The following MYO3A variants were observed in gnomAD, a reference collection of about 807,000 sequenced individuals.
MYO3A encodes myosin-IIIa.
Under a neutral mutation model 192.7 loss-of-function variants are expected in MYO3A, and 180 were observed. That is an observed-to-expected ratio of 0.93 (90% CI 0.83 to 1.06). The LOEUF is 1.06. Among genes scored for constraint, MYO3A ranks in the 50% least tolerant of loss-of-function variants. The pLI is 0.00. For synonymous variants in MYO3A, 628 were observed against 645.3 expected (o/e 0.97, Z 0.41); for missense variants, 1,896 against 1,905.0 (o/e 1.00, Z 0.09).
Position 26,024,036 on chromosome 10 carries a change from A to C in MYO3A, c.746A>C (p.Lys249Thr). ...LFKIPRNPPP[K>T]LRQPELWSAE... ...TATTTTTCTAGGAATCCACCCCCAA[A>C]ACTAAGGCAGCCTGAGCTATGGTCA... The change falls in exon 9 of 35, where the codon AAA becomes ACA. Residue 249 changes from lysine (K) to threonine (T), a missense_variant. Transcript: ENST00000642920. 1 of 1,613,004 alleles carries C rather than the reference A, an allele frequency of 6.2e-7. No individual in the cohort carries two copies. Among genetic ancestry groups the C allele is most frequent in the Non-Finnish European group, 8.5e-7 (1 of 1,179,110 alleles).
intron 31 of MYO3A, among the ~76,000 whole-genome samples, chr10:26,178,310 A>T (rs539343730): frequency 6.6e-6 from 1 of 152,312 alleles, no homozygotes; most frequent in African/African-American, 2.4e-5. Context: ...AGAGGTCGCC[A>T]CCAAGATTTT....
At position 26,206,558 on chromosome 10, in the gene MYO3A, C is replaced by T. The variant is rs186330393; in HGVS notation, c.4730+3451C>T. On this transcript the variant is annotated intron_variant, in intron 34 of 34. Coordinates refer to ENST00000642920, the MANE Select transcript of MYO3A (RefSeq NM_017433.5). Reference sequence around the variant, plus strand: ...CCACCTCCCAGGTTCAAGTGATTCTCCTGCCTCAGCCTCCCAAATACCTGG... The same window carrying T: ...CCACCTCCCAGGTTCAAGTGATTCTTCTGCCTCAGCCTCCCAAATACCTGG... 5.1e-3 allele frequency among the ~76,000 whole-genome samples: 780 copies of T among 152,174 alleles called. 5 individuals carry two copies. The highest frequency in any genetic ancestry group is 8.0e-3 in the Non-Finnish European group (543 of 68,024).
intron 4 of MYO3A, among the ~76,000 whole-genome samples, chr10:25,975,981 C>T (rs1353352195): frequency 6.6e-6 from 1 of 152,108 alleles, no homozygotes; most frequent in Non-Finnish European, 1.5e-5. Context: ...TTGTACAAAA[C>T]CATATAAATG....
intron 26 of MYO3A, among the ~76,000 whole-genome samples, chr10:26,158,348 G>T (rs1181917322): frequency 2.6e-5 from 4 of 151,776 alleles, no homozygotes; most frequent in African/African-American, 9.7e-5. Flanking sequence ...TGCTTCCCAG[G>T]CTCATGCCAT....
intron 8 of MYO3A, 104 bp from the exon 9 acceptor site, chr10:26,023,918 A>G (rs1842427502): frequency 1.0e-6 from 1 of 990,888 alleles, no homozygotes; most frequent in Admixed American, 1.7e-5. Context: ...ATCCTTGATT[A>G]CAACTGGCAG....
Position 26,050,600 on chromosome 10 carries a change from G to C in MYO3A, c.954-16375G>C, listed in dbSNP as rs142700680. On this transcript the variant is annotated intron_variant, in intron 10 of 34. Transcript: ENST00000642920. ...AGTGAAGAAAGATGTCAGGAATTCT[G>C]CAGATGGAGAATAACCATCAAATAG... Among the ~76,000 whole-genome samples, 793 of 152,294 alleles carry C rather than the reference G, an allele frequency of 5.2e-3. 7 individuals carry two copies. Among genetic ancestry groups the C allele is most frequent in the African/African-American group, 0.018 (752 of 41,554 alleles).
chr10:26,183,137 AC>A (rs895256226), intron 31 of MYO3A, among the ~76,000 whole-genome samples: 6 of 152,154 alleles, frequency 3.9e-5, no homozygotes, highest in African/African-American at 1.4e-4. Flanking sequence ...CTCACCCCCC[AC>A]ACAGGCTGCT....
In MYO3A at chr10:26,174,210, A is replaced by C; in HGVS notation, c.3946A>C (p.Ile1316Leu). 6.2e-7 allele frequency: 1 copy of C among 1,614,234 alleles called. No individual in the cohort carries two copies. The highest frequency in any genetic ancestry group is 8.5e-7 in the Non-Finnish European group (1 of 1,180,036). The part of the protein sequence containing the change: ...KTSVVTQRAP[I>L]CSQEEGRGRL... ...ATCTGTAGTTACCCAGCGTGCACCGATATGCAGCCAGGAGGAAGGCAGAGG... is the reference window on the plus strand; with the variant it reads ...ATCTGTAGTTACCCAGCGTGCACCGCTATGCAGCCAGGAGGAAGGCAGAGG... The change falls in exon 30 of 35, where the codon ATA (isoleucine) becomes CTA (leucine). Residue 1316 changes from isoleucine (I) to leucine (L), a missense_variant. Transcript: ENST00000642920.
chr10:26,012,155 G>A (rs893503270), intron 6 of MYO3A, among the ~76,000 whole-genome samples: 2 of 152,086 alleles, frequency 1.3e-5, no homozygotes, highest in African/African-American at 4.8e-5. Flanking sequence ...ACTGAATGGG[G>A]AAAAGTTGAA....
At position 26,036,818 on chromosome 10, in the gene MYO3A, T is replaced by A. The variant is rs928057481; in HGVS notation, c.953+10286T>A. 5.3e-5 allele frequency among the ~76,000 whole-genome samples: 8 copies of A among 152,236 alleles called. No homozygotes were observed. The South Asian group carries it at 8.3e-4, about 16-fold the overall frequency. On this transcript the variant is annotated intron_variant, in intron 10 of 34. Coordinates refer to ENST00000642920, the MANE Select transcript of MYO3A (RefSeq NM_017433.5). ...TTCCTCTCCATTTTGGCTCAGGGAG[T>A]GTTCTCTCCTTGAAATCTCACCCAC...
intron 4 of MYO3A, among the ~76,000 whole-genome samples, chr10:25,973,332 G>A (rs1838773472): frequency 6.6e-6 from 1 of 152,080 alleles, no homozygotes; most frequent in African/African-American, 2.4e-5. Context: ...CATTGATTTT[G>A]TATCCTAAAA....
chr10:26,013,929 A>G (rs10828935), intron 6 of MYO3A, among the ~76,000 whole-genome samples: 14,362 of 152,200 alleles, frequency 0.094, 1,195 homozygotes, highest in African/African-American at 0.21. Context: ...ACACCATGGA[A>G]TACTACTCAG....
At chr10:26,159,665 C>T (rs944281269) in intron 26 of MYO3A, among the ~76,000 whole-genome samples, 68 of 152,320 alleles carry the variant, frequency 4.5e-4, no homozygotes, top group Admixed American at 4.2e-3. Context: ...AGGCGTGAGC[C>T]ACTGCACCCA....
At chr10:26,160,119 T>C (rs937417659) in intron 26 of MYO3A, among the ~76,000 whole-genome samples, 2 of 152,152 alleles carry the variant, frequency 1.3e-5, no homozygotes, top group South Asian at 4.2e-4. Flanking sequence ...AATATAGATA[T>C]TATGAGTGTA....
Position 26,147,552 on chromosome 10 carries a change from C to T in MYO3A, c.2628C>T (p.Thr876=), listed in dbSNP as rs1564596224. ...VIRQLVNHPL[T]KTGNLPHSKT... ...GGCAACTAGTCAACCACCCTCTGAC[C>T]AAAACAGGTAAGACAATTTTCCTTA... The change falls in exon 23 of 35, where the codon ACC becomes ACT. Residue 876 remains threonine (T), a synonymous_variant. Transcript: ENST00000642920. 6.2e-7 allele frequency: 1 copy of T among 1,613,924 alleles called. No homozygotes were observed. The highest frequency in any genetic ancestry group is 1.7e-5 in the Admixed American group (1 of 60,006).
chr10:26,039,394 G>A (rs1336013219), intron 10 of MYO3A, among the ~76,000 whole-genome samples: 1 of 151,856 alleles, frequency 6.6e-6, no homozygotes, highest in Non-Finnish European at 1.5e-5. Flanking sequence ...GCGTCAAGAT[G>A]CATTTGTGAT....
At chr10:26,198,548 G>A (rs770759796) in intron 32 of MYO3A, among the ~76,000 whole-genome samples, 59 of 152,134 alleles carry the variant, frequency 3.9e-4, no homozygotes, top group Admixed American at 1.3e-4. Flanking sequence ...TAACTTCAAC[G>A]TTTAGCTCCT....
intron 32 of MYO3A, among the ~76,000 whole-genome samples, chr10:26,199,318 C>A (rs976271679): frequency 6.6e-6 from 1 of 152,094 alleles, no homozygotes. Context: ...TTGGAGAGGC[C>A]GAGGTGGGTG....
intron 12 of MYO3A, among the ~76,000 whole-genome samples, chr10:26,069,201 A>G (rs1410535617): frequency 6.8e-6 from 1 of 147,346 alleles, no homozygotes; most frequent in Non-Finnish European, 1.5e-5. Flanking sequence ...AAAGGTATGT[A>G]CTTAATGTAT....
Sources: allele counts gnomAD v4.1 joint callset (sites outside exome capture counted in the v4.1 genomes callset), GRCh38; gene constraint gnomAD v4.1.1; transcripts MANE v1.5; gene names NCBI Gene and HGNC (gene_info 2026-07-23, HGNC 2026-07-21).